Variants in TTC12 observed in about 807,000 individuals in gnomAD.
TTC12 encodes the protein tetratricopeptide repeat domain 12.
In TTC12, 70 loss-of-function variants were observed where a neutral mutation model predicts 90.1. The ratio of observed to expected loss-of-function variants is 0.78; its 90% confidence interval spans 0.64 to 0.95. The LOEUF (loss-of-function observed/expected upper bound fraction) is 0.95, where lower values mean the gene tolerates loss of function less well. TTC12 is among the 40% of genes least tolerant of loss of function. The pLI is 0.00. For synonymous variants in TTC12, 296 were observed against 311.5 expected, an observed-to-expected ratio of 0.95 and a Z score of 0.53; for missense variants, 819 against 846.1, an observed-to-expected ratio of 0.97 and a Z score of 0.40.
At chr11:113,325,452 T>C in intron 5 of TTC12, 72 bp from the exon 6 acceptor site, 1 of 1,571,136 alleles carries the variant, frequency 6.4e-7, no homozygotes, top group Non-Finnish European at 8.7e-7. Flanking sequence ...AATTGGAAAA[T>C]CGGGGGAATA....
intron 19 of TTC12, 68 bp from the exon 20 acceptor site, chr11:113,363,760 G>T (rs1198820646): frequency 4.7e-6 from 5 of 1,069,504 alleles, no homozygotes; most frequent in East Asian, 4.8e-5. Flanking sequence ...ATAACTGCTT[G>T]CTGTGGTTTG....
chr11:113,319,527 T>C (rs1591510002), intron 2 of TTC12, among the ~76,000 whole-genome samples: 1 of 152,254 alleles, frequency 6.6e-6, no homozygotes, highest in South Asian at 2.1e-4. Context: ...GAAGACTTAT[T>C]TGGTAAAAAT....
intron 16 of TTC12, among the ~76,000 whole-genome samples, chr11:113,354,618 A>T (rs1373463555): frequency 6.6e-6 from 1 of 152,068 alleles, no homozygotes. Context: ...GGCTCTTATT[A>T]CTTTGAGGTA....
downstream of TTC12, among the ~76,000 whole-genome samples, chr11:113,366,847 G>C (rs1177254284): frequency 6.6e-6 from 1 of 152,178 alleles, no homozygotes; most frequent in Admixed American, 6.5e-5. Context: ...TCCCCTGTTA[G>C]GAGAACTCTG....
chr11:113,356,556 G>C (rs193114631), intron 16 of TTC12, among the ~76,000 whole-genome samples: 80 of 152,314 alleles, frequency 5.3e-4, no homozygotes, highest in Non-Finnish European at 2.5e-4. Flanking sequence ...GTGTACTTCA[G>C]TGTGTGTTTG....
chr11:113,363,665 C>T (rs1195298915), intron 19 of TTC12, among the ~76,000 whole-genome samples, 163 bp from the exon 20 acceptor site: 2 of 152,206 alleles, frequency 1.3e-5, no homozygotes, highest in African/African-American at 4.8e-5. Flanking sequence ...TCTGTTCCAG[C>T]AGGGACCATG....
At chr11:113,363,391 C>T (rs1950041827) in intron 19 of TTC12, among the ~76,000 whole-genome samples, 1 of 152,226 alleles carries the variant, frequency 6.6e-6, no homozygotes, top group African/African-American at 2.4e-5. Context: ...CAGTTGTCAT[C>T]TCTTAAAATG....
At chr11:113,368,790 T>A, downstream of TTC12, 1 of 464,946 alleles carries the variant, frequency 2.2e-6, no homozygotes, top group Non-Finnish European at 3.8e-6. Context: ...AGGGGAAGTA[T>A]GACTAAGAAG....
chr11:113,324,163 G>C (rs1947536744), intron 4 of TTC12, 148 bp downstream of exon 4: 1 of 621,698 alleles, frequency 1.6e-6, no homozygotes, highest in Non-Finnish European at 2.8e-6. Context: ...TCTGTTACTA[G>C]TGATCAGCGG....
chr11:113,352,225 T>C lies in TTC12; in HGVS notation c.1446+18T>C, dbSNP rs781872788. The C allele has an allele frequency of 1.2e-6, 2 of 1,614,142 alleles. No individual in the cohort carries two copies. The highest frequency in any genetic ancestry group is 1.7e-6 in the Non-Finnish European group (2 of 1,179,998). On this transcript the variant is annotated intron_variant, in intron 16 of 21. Transcript: ENST00000529221. ...GCCTCCTGGTATGTTAGCTTTTCTA[T>C]TCAAAATTGGTCTTTATCCTCTTTG... is the stretch of plus-strand genomic sequence containing the variant.
chr11:113,351,960 G>A (rs1565614612), intron 15 of TTC12, 110 bp from the exon 16 acceptor site: 2 of 1,272,304 alleles, frequency 1.6e-6, no homozygotes, highest in Admixed American at 5.4e-5. Flanking sequence ...GTGACATGAA[G>A]CTATCTGGTT....
At chr11:113,365,745 G>T (rs538435437) in intron 21 of TTC12, among the ~76,000 whole-genome samples, 4 of 152,144 alleles carry the variant, frequency 2.6e-5, no homozygotes, top group African/African-American at 9.7e-5. Flanking sequence ...TAGAGCAAGG[G>T]TAACCCCGGG....
In TTC12 at chr11:113,351,221, C is replaced by A; in HGVS notation, c.1248-18C>A. 6.2e-7 allele frequency: 1 copy of A among 1,612,464 alleles called. No individual in the cohort carries two copies. Among genetic ancestry groups the A allele is most frequent in the Non-Finnish European group, 8.5e-7 (1 of 1,178,536 alleles). On this transcript the variant is annotated intron_variant, in intron 14 of 21. Transcript: ENST00000529221. ...TATGCAATGTAAAAATAAATCCTGGCTGATGGTTTCTCAACAGATTCCAAG... is the reference window on the plus strand; with the variant it reads ...TATGCAATGTAAAAATAAATCCTGGATGATGGTTTCTCAACAGATTCCAAG...
At chr11:113,368,278 A>C (rs1950278274), downstream of TTC12, 3 of 1,533,862 alleles carry the variant, frequency 2.0e-6, no homozygotes, top group Non-Finnish European at 2.6e-6. Flanking sequence ...GATGTTTCAC[A>C]TGCTAGTATT....
chr11:113,373,220 T>G (rs770415059), exon 22 of TTC12: 71 of 985,300 alleles, frequency 7.2e-5, no homozygotes, highest in Non-Finnish European at 8.3e-5. Context: ...CCCCAACCCA[T>G]GCGATTCATC....
intron 16 of TTC12, among the ~76,000 whole-genome samples, chr11:113,354,787 C>G (rs1297791516): frequency 2.6e-5 from 4 of 152,188 alleles, no homozygotes; most frequent in Non-Finnish European, 2.9e-5. Flanking sequence ...GTTGAACCAA[C>G]CTTGCATCCC....
chr11:113,344,354 C>T lies in TTC12; in HGVS notation c.1068C>T (p.Ile356=). The T allele has an allele frequency of 6.2e-7, 1 of 1,614,194 alleles. No individual in the cohort carries two copies. The highest frequency in any genetic ancestry group is 8.5e-7 in the Non-Finnish European group (1 of 1,180,020). Residue 356 remains isoleucine, a synonymous_variant, in exon 13 of 22, where the codon ATC becomes ATT. Coordinates refer to ENST00000529221, the MANE Select transcript of TTC12 (RefSeq NM_017868.4). ...TCTTGTCCTCCAAGGTCCTGGCCAT[C>T]CGGCAGCAGAGCTTTGCCCTGCTGC... ...AALLSSKVLA[I]RQQSFALLLH... is the part of the protein sequence containing the mutation.
chr11:113,329,822 C>A (rs1224270117), intron 6 of TTC12, 98 bp from the exon 7 acceptor site: 9 of 1,016,256 alleles, frequency 8.9e-6, no homozygotes, highest in African/African-American at 7.9e-5. Flanking sequence ...GGGGATAGTT[C>A]TCGCTGACAT....
At chr11:113,323,624 G>T (rs575136019) in intron 3 of TTC12, among the ~76,000 whole-genome samples, 173 bp downstream of exon 3, 2 of 151,904 alleles carry the variant, frequency 1.3e-5, no homozygotes, top group East Asian at 3.9e-4. Context: ...ATCTTTCTGG[G>T]TTATCTTTAA....
Sources: allele counts gnomAD v4.1 joint callset (sites outside exome capture counted in the v4.1 genomes callset), GRCh38; gene constraint gnomAD v4.1.1; transcripts MANE v1.5; gene names NCBI Gene and HGNC (gene_info 2026-07-23, HGNC 2026-07-21).